MYO16: variants seen among roughly 807,000 people sequenced by gnomAD.
MYO16 encodes the protein myosin XVI.
In MYO16, 94 loss-of-function variants were observed where a neutral mutation model predicts 205.3. The ratio of observed to expected loss-of-function variants is 0.46; its 90% CI spans 0.39 to 0.54. MYO16 has a LOEUF of 0.54. Ranked by LOEUF, MYO16 falls within the 20% of genes least tolerant of loss-of-function variation. The probability of loss-of-function intolerance (pLI) is 0.00; values close to 1 mark genes in which losing one functional copy is unlikely to be tolerated. For synonymous variants in MYO16, 988 were observed against 954.0 expected (o/e 1.04, Z -0.66); for missense variants, 2,315 against 2,387.5 (o/e 0.97, Z 0.63).
chr13:108,533,164 G>T, the MYO16 span, among the ~76,000 whole-genome samples: 1 of 152,200 alleles, frequency 6.6e-6, no homozygotes, highest in Admixed American at 6.5e-5. Context: ...ATTCATGTCA[G>T]GGTAAGGGGG....
chr13:109,129,537 C>T (rs762809990), intron 31 of MYO16, among the ~76,000 whole-genome samples: 8 of 152,102 alleles, frequency 5.3e-5, no homozygotes, highest in Non-Finnish European at 1.2e-4. Flanking sequence ...GGGAGTGTCC[C>T]GTTGCCACTG....
chr13:109,105,377 C>T (rs185980936), intron 28 of MYO16, among the ~76,000 whole-genome samples: 1 of 152,266 alleles, frequency 6.6e-6, no homozygotes, highest in Non-Finnish European at 1.5e-5. Flanking sequence ...TAGGCTGAGG[C>T]AGGAGAATTA....
rs140628972 is a variant in MYO16, at chr13:109,030,707, T to G, written c.2796+10796T>G. On this transcript the variant is annotated intron_variant, in intron 23 of 34. Transcript: ENST00000457511. ...TCTCCACTCTATTTCTGCTGTGGGC[T>G]GCATATTGACTTTTTAATATCTCTA... Among the ~76,000 whole-genome samples, 16 of 152,286 alleles carry G rather than the reference T, an allele frequency of 1.1e-4. 1 individual carries two copies. The East Asian group carries it at 2.3e-3, about 22-fold the overall frequency.
chr13:108,855,986 G>T (rs145664290), intron 11 of MYO16, among the ~76,000 whole-genome samples: 99 of 152,320 alleles, frequency 6.5e-4, no homozygotes, highest in Non-Finnish European at 1.0e-3. Context: ...CATAAGAAGA[G>T]AAACTGTTGT....
rs1160823588 is a variant in MYO16 at position 109,140,453 on chromosome 13, C to G, written c.4241C>G (p.Pro1414Arg). Residue 1414 changes from proline to arginine, a missense_variant, in exon 32 of 35, where the codon CCG (proline) becomes CGG (arginine). By Grantham distance (103) the Pro-to-Arg change is moderately radical (BLOSUM62 -2). Coordinates refer to ENST00000457511, the MANE Select transcript of MYO16 (RefSeq NM_001198950.3). This position sits in a 1 kb window ranked among gnomAD's most constrained non-coding sequence, Gnocchi z 8.0. ...GCGCGCGTTCTGACCCCCGGGACTC[C>G]GCAGTGCGCGCTGCCCCCGGCGGCG... Reference protein sequence around the residue: ...AAARVLTPGTPQCALPPAAPP... With the variant: ...AAARVLTPGTRQCALPPAAPP... The G allele has an allele frequency of 6.5e-7, 1 of 1,542,650 alleles. No homozygotes were observed.
intron 2 of MYO16, among the ~76,000 whole-genome samples, chr13:108,701,142 G>A (rs1427867498): frequency 2.6e-5 from 4 of 151,988 alleles, no homozygotes; most frequent in African/African-American, 9.7e-5. Flanking sequence ...ATTTAGTTAC[G>A]AAAAATAATG....
intron 32 of MYO16, among the ~76,000 whole-genome samples, chr13:109,154,911 GAAAAAAAAAAA>G (rs59465499): frequency 6.4e-5 from 4 of 62,666 alleles, no homozygotes; most frequent in South Asian, 7.6e-4. Flanking sequence ...GGCTAATTAT[GAAAAAAAAAAA>G]AAAAAAAAAA....
intron 19 of MYO16, among the ~76,000 whole-genome samples, 165 bp downstream of exon 19, chr13:108,962,660 A>G (rs1204675504): frequency 6.6e-6 from 1 of 151,992 alleles, no homozygotes; most frequent in African/African-American, 2.4e-5. Flanking sequence ...TATAGTGTAG[A>G]CTCTTTATGC....
At chr13:108,789,812 A>T (rs544912976) in intron 5 of MYO16, among the ~76,000 whole-genome samples, 1 of 152,178 alleles carries the variant, frequency 6.6e-6, no homozygotes, top group African/African-American at 2.4e-5. Flanking sequence ...ATGCCTGTTT[A>T]GCTTTGTTTC....
chr13:108,519,396 C>A, the MYO16 span, among the ~76,000 whole-genome samples: 2 of 151,998 alleles, frequency 1.3e-5, no homozygotes, highest in African/African-American at 2.4e-5. Flanking sequence ...TGTACTCCCA[C>A]CCCTCTGTTT....
At chr13:108,905,509 A>G (rs919662679) in intron 15 of MYO16, among the ~76,000 whole-genome samples, 2 of 152,172 alleles carry the variant, frequency 1.3e-5, no homozygotes, top group Non-Finnish European at 2.9e-5. Context: ...CTTAGCAGCT[A>G]GATATTCAAA....
chr13:109,075,028 A>G (rs148319859), intron 27 of MYO16, among the ~76,000 whole-genome samples: 157 of 152,230 alleles, frequency 1.0e-3, no homozygotes, highest in African/African-American at 3.4e-3. Flanking sequence ...ACATTCATCT[A>G]TATTGTTATA....
chr13:109,072,150 G>A (rs750976787), intron 27 of MYO16, among the ~76,000 whole-genome samples: 1 of 152,124 alleles, frequency 6.6e-6, no homozygotes, highest in Non-Finnish European at 1.5e-5. Flanking sequence ...TGTTTCAGAC[G>A]CTCATCAGCT....
chr13:108,608,402 C>G (rs907001837), intron 1 of MYO16, among the ~76,000 whole-genome samples: 1 of 152,158 alleles, frequency 6.6e-6, no homozygotes, highest in Non-Finnish European at 1.5e-5. Context: ...AATGCTGATT[C>G]ATCATGCACA....
Position 109,052,372 on chromosome 13 carries a change from A to G in MYO16, c.2945A>G (p.Tyr982Cys), listed in dbSNP as rs1412555243. ...LSQTGSLVSA[Y>C]PSFKFRGHKS... ...CAAACAGGATCCCTCGTATCTGCCT[A>G]TCCTTCCTTTAAATTCCGAGGACAT... Residue 982 changes from tyrosine to cysteine, a missense_variant, in exon 25 of 35, where the codon TAT (tyrosine) becomes TGT (cysteine). Coordinates refer to ENST00000457511, the MANE Select transcript of MYO16 (RefSeq NM_001198950.3). 3 of 1,612,746 alleles carry G rather than the reference A, an allele frequency of 1.9e-6. No homozygotes were observed. The highest frequency in any genetic ancestry group is 2.5e-6 in the Non-Finnish European group (3 of 1,178,990).
chr13:109,016,109 A>C (rs910998122), intron 22 of MYO16, among the ~76,000 whole-genome samples: 1 of 152,088 alleles, frequency 6.6e-6, no homozygotes, highest in African/African-American at 2.4e-5. Context: ...TATTGCTATA[A>C]ATTTCCCTCT....
intron 1 of MYO16, among the ~76,000 whole-genome samples, chr13:108,654,067 G>A (rs1428182092): frequency 6.6e-6 from 1 of 152,026 alleles, no homozygotes; most frequent in Non-Finnish European, 1.5e-5. Context: ...GTATCCTTGT[G>A]TAGGTCTCTC....
chr13:109,130,154 A>G (rs1031138365), intron 31 of MYO16, among the ~76,000 whole-genome samples: 1 of 152,210 alleles, frequency 6.6e-6, no homozygotes, highest in African/African-American at 2.4e-5. Flanking sequence ...TCCTTATTAC[A>G]TGCTATCAAA....
At chr13:109,040,385 CAGAG>C (rs146955371) in intron 23 of MYO16, among the ~76,000 whole-genome samples, 16,486 of 113,178 alleles carry the variant, frequency 0.15, 1,031 homozygotes, top group African/African-American at 0.16. Context: ...CACACACACA[CAGAG>C]AGAGAGAGAG....
Sources: gnomAD v4.1 joint callset for allele counts (sites outside exome capture counted in the v4.1 genomes callset) on GRCh38, gnomAD v4.1.1 for gene constraint, Gnocchi (gnomAD v3.1) non-coding constraint, MANE v1.5 for transcripts, NCBI Gene and HGNC (gene_info 2026-07-23, HGNC 2026-07-21) for gene names.